The following ZNF469 variants were observed in gnomAD, a reference collection of about 807,000 sequenced individuals.
The protein encoded by ZNF469 is zinc finger protein 469.
ZNF469 carries 1 observed loss-of-function variant against 1.0 expected under a neutral mutation model. The observed-to-expected ratio is 1.00, with a 90% CI of 0.35 to 4.73. ZNF469 has a LOEUF of 4.73. Among genes scored for constraint, ZNF469 ranks in the 30% most tolerant of loss-of-function variants. ZNF469 has a pLI of 0.16. For missense variants in ZNF469, 6,100 were observed against 5,356.3 expected (o/e 1.14, Z -4.33); for synonymous variants, 2,703 against 2,363.4 (o/e 1.14, Z -4.17).
At chr16:88,357,870 C>T in the ZNF469 span, among the ~76,000 whole-genome samples, 5 of 152,054 alleles carry the variant, frequency 3.3e-5, no homozygotes, top group African/African-American at 9.7e-5. Context: ...CGGAGGGAGC[C>T]GGTGGCAGGG....
At chr16:88,382,220 C>G (rs2092527127), upstream of ZNF469, among the ~76,000 whole-genome samples, 1 of 152,230 alleles carries the variant, frequency 6.6e-6, no homozygotes, top group African/African-American at 2.4e-5. Context: ...CGGGCACGTA[C>G]TGGGCCAGGG....
chr16:88,273,094 T>C, the ZNF469 span, among the ~76,000 whole-genome samples: 408 of 148,594 alleles, frequency 2.7e-3, 13 homozygotes, highest in African/African-American at 0.01. Flanking sequence ...GATGGATAGA[T>C]AGACTGGTGG....
the ZNF469 span, among the ~76,000 whole-genome samples, chr16:88,319,240 C>G: frequency 7.2e-5 from 11 of 152,138 alleles, no homozygotes; most frequent in African/African-American, 2.7e-4. Context: ...TCCGAGGGGG[C>G]CTTGCAGGTG....
At chr16:88,266,819 C>T in the ZNF469 span, among the ~76,000 whole-genome samples, 1 of 152,312 alleles carries the variant, frequency 6.6e-6, no homozygotes, top group East Asian at 1.9e-4. Context: ...GCAGAGAGTT[C>T]CATCCTTGGA....
chr16:88,318,760 G>T, the ZNF469 span, among the ~76,000 whole-genome samples: 1 of 152,234 alleles, frequency 6.6e-6, no homozygotes, highest in Non-Finnish European at 1.5e-5. Context: ...TGCTCCCTTG[G>T]AAAGCATGCG....
chr16:88,262,202 C>T, the ZNF469 span, among the ~76,000 whole-genome samples: 1 of 152,138 alleles, frequency 6.6e-6, no homozygotes, highest in African/African-American at 2.4e-5. This position sits in a 1 kb window ranked among gnomAD's most constrained non-coding sequence, Gnocchi z 4.3. Flanking sequence ...GGGAAGAGGC[C>T]TTTTCCATCC....
the ZNF469 span, among the ~76,000 whole-genome samples, chr16:88,116,643 C>T: frequency 2.0e-5 from 3 of 152,214 alleles, no homozygotes; most frequent in East Asian, 1.9e-4. Context: ...GCTACTCAGC[C>T]GTGAAAACAA....
chr16:88,196,639 G>T, the ZNF469 span, among the ~76,000 whole-genome samples: 4 of 152,192 alleles, frequency 2.6e-5, no homozygotes, highest in Non-Finnish European at 5.9e-5. Flanking sequence ...GGGCCTACAG[G>T]TTGGCTGCTG....
chr16:88,198,216 C>T, the ZNF469 span, among the ~76,000 whole-genome samples: 1 of 152,230 alleles, frequency 6.6e-6, no homozygotes, highest in Non-Finnish European at 1.5e-5. Context: ...ACGTATCCCA[C>T]ATCACGTGCA....
the ZNF469 span, among the ~76,000 whole-genome samples, chr16:88,344,878 G>T: frequency 6.6e-6 from 1 of 152,170 alleles, no homozygotes. Flanking sequence ...GAACCCGTCA[G>T]GTCGCCCTGC....
the ZNF469 span, among the ~76,000 whole-genome samples, chr16:88,233,946 TTGTC>T: frequency 6.6e-6 from 1 of 152,382 alleles, no homozygotes; most frequent in African/African-American, 2.4e-5. Flanking sequence ...TTTGGCCTGT[TTGTC>T]AGTGGGTTTT....
the ZNF469 span, among the ~76,000 whole-genome samples, chr16:88,315,246 G>A: frequency 6.6e-6 from 1 of 152,230 alleles, no homozygotes; most frequent in Non-Finnish European, 1.5e-5. Context: ...CACGAGATCT[G>A]TGTGGTCGGA....
At position 88,430,311 on chromosome 16, in the gene ZNF469, G is replaced by C. The variant is rs150435442; in HGVS notation, c.2841G>C (p.Arg947Ser). The change falls in exon 3 of 3, where the codon AGG becomes AGC. Residue 947 changes from arginine (R) to serine (S), a missense_variant. Transcript: ENST00000565624. Reference protein sequence around the residue: ...DAPSQGRQQRRGKQLKLFRKD... With the variant: ...DAPSQGRQQRSGKQLKLFRKD... ...CCAGCCAGGGCAGGCAGCAGAGGAGGGGGAAGCAGTTGAAGCTGTTCCGGA... is the reference window on the plus strand; with the variant it reads ...CCAGCCAGGGCAGGCAGCAGAGGAGCGGGAAGCAGTTGAAGCTGTTCCGGA... 3.3e-6 allele frequency: 5 copies of C among 1,515,534 alleles called. No individual in the cohort carries two copies. In the South Asian group the frequency reaches 4.9e-5, roughly 15 times the overall value. The allele number at this position is 1,515,534 out of a possible 1,614,324, so 93.9% of individuals were successfully genotyped here.
intron 1 of ZNF469, among the ~76,000 whole-genome samples, chr16:88,408,204 G>C (rs1905065687): frequency 6.6e-6 from 1 of 152,218 alleles, no homozygotes; most frequent in Admixed American, 6.5e-5. Context: ...CCAGGCTGGA[G>C]TGCAATGGCG....
At chr16:88,113,196 C>T in the ZNF469 span, among the ~76,000 whole-genome samples, 2 of 152,270 alleles carry the variant, frequency 1.3e-5, no homozygotes, top group African/African-American at 4.8e-5. Flanking sequence ...TGGAGATTGT[C>T]CCCAGTGTTT....
the ZNF469 span, among the ~76,000 whole-genome samples, chr16:88,168,890 G>C: frequency 6.6e-6 from 1 of 152,098 alleles, no homozygotes; most frequent in African/African-American, 2.4e-5. This position sits in a 1 kb window ranked among gnomAD's most constrained non-coding sequence, Gnocchi z 4.3. Context: ...GAGCCTAGGA[G>C]TTTGAGACCA....
chr16:88,414,677 C>G (rs950381981), intron 1 of ZNF469, among the ~76,000 whole-genome samples: 3 of 152,254 alleles, frequency 2.0e-5, no homozygotes, highest in African/African-American at 7.2e-5. Context: ...CTCCTGCTCT[C>G]GAGAACAGGC....
At chr16:88,296,433 C>G in the ZNF469 span, among the ~76,000 whole-genome samples, 1 of 150,342 alleles carries the variant, frequency 6.7e-6, no homozygotes, top group African/African-American at 2.4e-5. Flanking sequence ...CACATACATG[C>G]ACACTCACAG....
At chr16:88,259,494 G>A in the ZNF469 span, among the ~76,000 whole-genome samples, 1 of 152,200 alleles carries the variant, frequency 6.6e-6, no homozygotes, top group Non-Finnish European at 1.5e-5. This position sits in a 1 kb window ranked among gnomAD's most constrained non-coding sequence, Gnocchi z 4.1. Context: ...GCAGAAGGCT[G>A]TGGTCTTCTG....
Sources: allele counts gnomAD v4.1 joint callset (sites outside exome capture counted in the v4.1 genomes callset), GRCh38; gene constraint gnomAD v4.1.1; non-coding constraint Gnocchi (gnomAD v3.1); transcripts MANE v1.5; gene names NCBI Gene and HGNC (gene_info 2026-07-23, HGNC 2026-07-21).